Variants in GABPB2 observed in about 807,000 individuals in gnomAD.
GABPB2 encodes GA binding protein transcription factor subunit beta 2, also known as GA-binding protein subunit beta-2.
In GABPB2, 23 loss-of-function variants were observed where a neutral mutation model predicts 39.1. That is an observed-to-expected ratio of 0.59 (90% confidence interval 0.42 to 0.83). The LOEUF (loss-of-function observed/expected upper bound fraction) is 0.83, where lower values mean the gene tolerates loss of function less well. Ranked by LOEUF, GABPB2 falls within the 40% of genes least tolerant of loss-of-function variation. The pLI is 0.00. For missense variants in GABPB2, 467 were observed against 541.1 expected, an observed-to-expected ratio of 0.86 and a Z score of 1.36; for synonymous variants, 184 against 199.3, an observed-to-expected ratio of 0.92 and a Z score of 0.65.
chr1:151,086,704 G>C (rs1678228134), intron 1 of GABPB2, among the ~76,000 whole-genome samples: 1 of 150,492 alleles, frequency 6.6e-6, no homozygotes, highest in Non-Finnish European at 1.5e-5. Context: ...ATCTGGCTCT[G>C]TTGCCCAGGC....
In GABPB2 at chr1:151,078,884, C is replaced by G. The variant is rs182345220; in HGVS notation, c.-1+7950C>G. Among the ~76,000 whole-genome samples, 223 of 151,828 alleles carry G rather than the reference C, an allele frequency of 1.5e-3. 1 individual carries two copies. The highest frequency in any genetic ancestry group is 2.8e-3 in the Non-Finnish European group (190 of 67,958). On this transcript the variant is annotated intron_variant, in intron 1 of 8. Transcript: ENST00000368918. ...GCGGGATTTCACCATGTTGGCCAGG[C>G]TGGTCTCCAACTCCTGCCCTCAAGT...
At position 151,090,269 on chromosome 1, in the gene GABPB2, GC is replaced by G. The variant is rs936552465; in HGVS notation, c.109-136del. ...CCTGGCCTTTAATTTGTAAATTTAA[GC>G]ATTTTTTCAGTTTTATCTGCCCAAC... On this transcript the variant is annotated intron_variant, in intron 2 of 8. Transcript: ENST00000368918. 1.3e-5 allele frequency: 10 copies of G among 792,086 alleles called. No individual in the cohort carries two copies. In the African/African-American group the frequency reaches 1.4e-4, roughly 11 times the overall value. 49.1% of individuals were successfully genotyped at this position (792,086 alleles called of 1,614,324 possible). A position where few individuals can be genotyped will look rare whatever the true frequency, so the allele number is the denominator to read the frequency against.
In GABPB2 at chr1:151,072,267, C is replaced by T. The variant is rs887535035; in HGVS notation, c.-1+1333C>T. 9.2e-5 allele frequency among the ~76,000 whole-genome samples: 14 copies of T among 152,210 alleles called. 1 individual carries two copies. Among genetic ancestry groups the T allele is most frequent in the Admixed American group, 1.3e-4 (2 of 15,270 alleles). On this transcript the variant is annotated intron_variant, in intron 1 of 8. Coordinates refer to ENST00000368918, the MANE Select transcript of GABPB2 (RefSeq NM_144618.3). Reference sequence around the variant, plus strand: ...ACACACACTTATTGAAAGGTTTTGGCCGGGCGCAGTGGCTCACGCCTGTAA... The same window carrying T: ...ACACACACTTATTGAAAGGTTTTGGTCGGGCGCAGTGGCTCACGCCTGTAA...
chr1:151,118,028 C>A lies in GABPB2; in HGVS notation c.1119C>A (p.His373Gln), dbSNP rs199965839. The A allele has an allele frequency of 6.2e-6, 10 of 1,614,090 alleles. No individual in the cohort carries two copies. In the Admixed American group the frequency reaches 6.7e-5, roughly 11 times the overall value. ...EANRRAQEYRHQLLKKEQEAE... is the reference protein window; with the variant it reads ...EANRRAQEYRQQLLKKEQEAE... ...ATCGAAGAGCCCAGGAATACCGACA[C>A]CAGCTCCTAAAGAAAGAGCAGGAAG... The change falls in exon 9 of 9, where the codon CAC becomes CAA. Residue 373 changes from histidine (H) to glutamine (Q), a missense_variant. Physicochemically the swap from His to Gln is conservative, Grantham distance 24. Transcript: ENST00000368918.
At chr1:151,093,151 T>C in intron 3 of GABPB2, 41 bp from the exon 4 acceptor site, 2 of 1,496,384 alleles carry the variant, frequency 1.3e-6, no homozygotes, top group Non-Finnish European at 1.8e-6. Flanking sequence ...CCTGTGCTAC[T>C]ATAACCGCTG....
chr1:151,100,385 C>A (rs187200584), intron 5 of GABPB2, among the ~76,000 whole-genome samples: 2 of 150,894 alleles, frequency 1.3e-5, no homozygotes, highest in Admixed American at 6.6e-5. Context: ...GCTTGTGATC[C>A]ACTCGCCATG....
chr1:151,108,472 A>G (rs1163850761), intron 7 of GABPB2, among the ~76,000 whole-genome samples: 1 of 152,086 alleles, frequency 6.6e-6, no homozygotes, highest in East Asian at 1.9e-4. Context: ...ACACCCAGTG[A>G]TGTTGTGTAC....
rs1681163680 is a variant in GABPB2, at chr1:151,121,010, C to G, written c.*2754C>G. The stretch of plus-strand genomic sequence containing the variant: ...GCCTCAGGTGATCCACCCGCCTTGG[C>G]CTCCCAAAATGCTGAGATTACAGGC... On this transcript the variant is annotated 3_prime_UTR_variant, in exon 9 of 9. Transcript: ENST00000368918. 1 of 152,148 alleles carries G rather than the reference C, an allele frequency of 6.6e-6. No individual in the cohort carries two copies. 9.4% of individuals were successfully genotyped at this position (152,148 alleles called of 1,614,324 possible).
In GABPB2 at chr1:151,103,568, C is replaced by T. The variant is rs763169577; in HGVS notation, c.629C>T (p.Pro210Leu). 2 of 1,611,634 alleles carry T rather than the reference C, an allele frequency of 1.2e-6. No homozygotes were observed. The highest frequency in any genetic ancestry group is 2.2e-5 in the East Asian group (1 of 44,866). Residue 210 changes from proline (P) to leucine (L), a missense_variant, in exon 6 of 9, where the codon CCC (proline) becomes CTC (leucine). Physicochemically the swap from Pro to Leu is moderately conservative, Grantham distance 98 (BLOSUM62 -3). Coordinates refer to ENST00000368918, the MANE Select transcript of GABPB2 (RefSeq NM_144618.3). ...STNTKTTSGD[P>L]HASTVQFSNS... is the part of the protein sequence containing the mutation. ...GTCTTTCTTACTGAAATAGGTGACC[C>T]CCATGCCTCAACAGTACAGTTTTCA...
Position 151,117,445 on chromosome 1 carries a change from GA to G in GABPB2, c.978del (p.Glu327LysfsTer6). The G allele has an allele frequency of 6.2e-7, 1 of 1,613,798 alleles. No individual in the cohort carries two copies. On this transcript the variant is annotated frameshift_variant, in exon 8 of 9. Transcript: ENST00000368918. LOFTEE classifies it high-confidence loss of function. ...AGAGGAGACTGTAATTAAAGAGGAA[GA>G]AGAAGAGAAGTTGCCACTAACAAAG... ...VAEETVIKEE[E>X]EEKLPLTKKP...
chr1:151,107,973 C>T (rs921789225), intron 7 of GABPB2, among the ~76,000 whole-genome samples: 7 of 151,792 alleles, frequency 4.6e-5, no homozygotes, highest in East Asian at 1.9e-4. Flanking sequence ...AAAATATTTT[C>T]GACCTACTTC....
rs1372057029 is a variant in GABPB2 at position 151,117,819 on chromosome 1, G to A, written c.1048-138G>A. On this transcript the variant is annotated intron_variant, in intron 8 of 8. Coordinates refer to ENST00000368918, the MANE Select transcript of GABPB2 (RefSeq NM_144618.3). ...AGTTGGTCTCGAACTCTTGACCTCA[G>A]ATAATCTGCCTACCTCTGCCTCCCA... 8.1e-6 allele frequency: 7 copies of A among 868,094 alleles called. No individual in the cohort carries two copies. The African/African-American group carries it at 1.2e-4, about 15-fold the overall frequency. The allele number at this position is 868,094 out of a possible 1,614,324, so 53.8% of individuals were successfully genotyped here. A position where few individuals can be genotyped will look rare whatever the true frequency, so the allele number is the denominator to read the frequency against.
At chr1:151,080,333 G>A (rs1677561809) in intron 1 of GABPB2, among the ~76,000 whole-genome samples, 1 of 149,864 alleles carries the variant, frequency 6.7e-6, no homozygotes, top group Non-Finnish European at 1.5e-5. Context: ...CAAACATGGA[G>A]AAACCCTGTC....
At chr1:151,095,089 T>C (rs1182475043) in intron 4 of GABPB2, among the ~76,000 whole-genome samples, 2 of 151,310 alleles carry the variant, frequency 1.3e-5, no homozygotes, top group Non-Finnish European at 2.9e-5. Context: ...TATTATAATA[T>C]TGCATAATAA....
Position 151,124,891 on chromosome 1 carries a change from C to T in GABPB2, c.*6635C>T, listed in dbSNP as rs751627468. ...AGTATTAGGGGGTGAGGTGACATTC[C>T]TAGACTCTACAGTAGCAGTTTGGCA... On this transcript the variant is annotated 3_prime_UTR_variant, in exon 9 of 9. Coordinates refer to ENST00000368918, the MANE Select transcript of GABPB2 (RefSeq NM_144618.3). 6.6e-5 allele frequency: 10 copies of T among 151,892 alleles called. No individual in the cohort carries two copies. Among genetic ancestry groups the T allele is most frequent in the Non-Finnish European group, 1.2e-4 (8 of 67,984 alleles). The allele number at this position is 151,892 out of a possible 1,614,324, so 9.4% of individuals were successfully genotyped here.
At chr1:151,075,274 CA>C (rs1428444029) in intron 1 of GABPB2, among the ~76,000 whole-genome samples, 3 of 151,850 alleles carry the variant, frequency 2.0e-5, no homozygotes, top group East Asian at 3.9e-4. Context: ...ACTAAAAATA[CA>C]AAAAATTGGC....
Position 151,091,426 on chromosome 1 carries a change from T to C in GABPB2, c.276+853T>C, listed in dbSNP as rs1403613492. Among the ~76,000 whole-genome samples the C allele has an allele frequency of 4.6e-5, 5 of 108,456 alleles. No individual in the cohort carries two copies. In the East Asian group the frequency reaches 1.3e-3, roughly 28 times the overall value. 71.2% of individuals were successfully genotyped at this position (108,456 alleles called of 152,430 possible). ...TTAAAACAATTTTTTTTTTTTGAGA[T>C]GAACTCTCAGCTGGGTGCGGTGGCT... On this transcript the variant is annotated intron_variant, in intron 3 of 8. Transcript: ENST00000368918.
chr1:151,080,397 G>A (rs1230779667), intron 1 of GABPB2, among the ~76,000 whole-genome samples: 3 of 149,392 alleles, frequency 2.0e-5, no homozygotes, highest in African/African-American at 7.4e-5. Context: ...TGTAATCCCA[G>A]GTACTCGGGA....
intron 3 of GABPB2, among the ~76,000 whole-genome samples, chr1:151,091,946 C>G (rs962363607): frequency 3.0e-4 from 46 of 151,722 alleles, no homozygotes; most frequent in African/African-American, 1.1e-3. Flanking sequence ...CCATGCCCAG[C>G]TAATTTATTT....
Sources: gnomAD v4.1 joint callset for allele counts (sites outside exome capture counted in the v4.1 genomes callset) on GRCh38, gnomAD v4.1.1 for gene constraint, MANE v1.5 for transcripts, NCBI Gene and HGNC (gene_info 2026-07-23, HGNC 2026-07-21) for gene names.